SLC8A1: variants seen among roughly 807,000 people sequenced by gnomAD.
The protein encoded by SLC8A1 is sodium/calcium exchanger 1.
A neutral mutation model predicts 68.3 loss-of-function variants in SLC8A1; 18 were observed. The ratio of observed to expected loss-of-function variants is 0.26; its 90% CI spans 0.18 to 0.39. The LOEUF is 0.39. Ranked by LOEUF, SLC8A1 falls within the 10% of genes least tolerant of loss-of-function variation. The pLI is 1.00. For missense variants in SLC8A1, 985 were observed against 1,156.7 expected (o/e 0.85, Z 2.15); for synonymous variants, 475 against 415.5 (o/e 1.14, Z -1.74).
intron 2 of SLC8A1, among the ~76,000 whole-genome samples, chr2:40,314,459 G>A (rs1256625825): frequency 6.6e-6 from 1 of 151,410 alleles, no homozygotes; most frequent in African/African-American, 2.4e-5. Flanking sequence ...TTTTTTTCCA[G>A]TGGTATTTTA....
At chr2:40,385,666 T>G (rs1308437162) in intron 2 of SLC8A1, among the ~76,000 whole-genome samples, 2 of 151,398 alleles carry the variant, frequency 1.3e-5, no homozygotes, top group Non-Finnish European at 2.9e-5. Context: ...TATACCATCT[T>G]TCAAATGTCT....
intron 2 of SLC8A1, among the ~76,000 whole-genome samples, chr2:40,233,040 A>G (rs2059892110): frequency 6.6e-6 from 1 of 152,116 alleles, no homozygotes; most frequent in Non-Finnish European, 1.5e-5. Flanking sequence ...GCTATCGTGA[A>G]TAATGCTGCA....
In SLC8A1 at chr2:40,234,277, A is replaced by G. The variant is rs1185855610; in HGVS notation, c.1809-56422T>C. Among the ~76,000 whole-genome samples, 6 of 151,168 alleles carry G rather than the reference A, an allele frequency of 4.0e-5. 1 individual carries two copies. The highest frequency in any genetic ancestry group is 1.5e-4 in the African/African-American group (6 of 40,808). On this transcript the variant is annotated intron_variant, in intron 2 of 7. Transcript: ENST00000406785. Reference sequence around the variant, plus strand: ...GTTTGTTTCCTCTTTTATTTCCTTGAGCAGTGGTTTGTAGTTCTCCTTGAA... The same window carrying G: ...GTTTGTTTCCTCTTTTATTTCCTTGGGCAGTGGTTTGTAGTTCTCCTTGAA...
At position 40,502,543 on chromosome 2, in the gene SLC8A1, A is replaced by G. The variant is rs549560912; in HGVS notation, c.-25+9806T>C. ...ACTAGGTGACAAAAACTAAACATAT[A>G]CTTTATCTCATTGGTTCTTACAATA... On this transcript the variant is annotated intron_variant, in intron 1 of 7. Transcript: ENST00000402441. 6.6e-5 allele frequency among the ~76,000 whole-genome samples: 10 copies of G among 152,182 alleles called. No homozygotes were observed. The South Asian group carries it at 2.1e-3, about 31-fold the overall frequency.
intron 1 of SLC8A1, among the ~76,000 whole-genome samples, chr2:40,497,367 G>A (rs1705777501): frequency 6.6e-6 from 1 of 152,020 alleles, no homozygotes; most frequent in African/African-American, 2.4e-5. Flanking sequence ...ATCAAGATAA[G>A]TAAGATTGAT....
chr2:40,151,486 T>C (rs992646512), intron 6 of SLC8A1, among the ~76,000 whole-genome samples: 1 of 152,178 alleles, frequency 6.6e-6, no homozygotes, highest in African/African-American at 2.4e-5. Context: ...CAGGGCAGAT[T>C]TGCGGTTGTT....
intron 1 of SLC8A1, among the ~76,000 whole-genome samples, chr2:40,445,497 T>G (rs1202009123): frequency 6.6e-6 from 1 of 152,098 alleles, no homozygotes; most frequent in Non-Finnish European, 1.5e-5. Flanking sequence ...GATTTCAGAG[T>G]CATAGAACTG....
At chr2:40,381,960 G>A (rs1681955182) in intron 2 of SLC8A1, among the ~76,000 whole-genome samples, 1 of 151,906 alleles carries the variant, frequency 6.6e-6, no homozygotes, top group South Asian at 2.1e-4. Flanking sequence ...TCAGTCAGGA[G>A]GATGGATTTG....
At chr2:40,346,228 T>C (rs972898183) in intron 2 of SLC8A1, among the ~76,000 whole-genome samples, 4 of 152,022 alleles carry the variant, frequency 2.6e-5, no homozygotes, top group African/African-American at 4.8e-5. Context: ...TTGCACACAG[T>C]GAGAAGTTGA....
At chr2:40,178,204 C>T (rs935624400) in intron 2 of SLC8A1, among the ~76,000 whole-genome samples, 183 bp downstream of exon 3, 5 of 152,180 alleles carry the variant, frequency 3.3e-5, no homozygotes, top group African/African-American at 7.2e-5. Flanking sequence ...TAATGTGCAG[C>T]GCACCTAACG....
At chr2:40,249,598 C>G (rs1387735463) in intron 2 of SLC8A1, among the ~76,000 whole-genome samples, 2 of 151,944 alleles carry the variant, frequency 1.3e-5, no homozygotes, top group African/African-American at 4.8e-5. Flanking sequence ...CTAGATGATT[C>G]CTCTAAAAAT....
intron 2 of SLC8A1, among the ~76,000 whole-genome samples, chr2:40,195,260 G>A (rs1436335174): frequency 6.6e-6 from 1 of 152,096 alleles, no homozygotes; most frequent in Non-Finnish European, 1.5e-5. Flanking sequence ...GTGATATGCA[G>A]AAATTTGATA....
Position 40,388,954 on chromosome 2 carries a change from T to A in SLC8A1, c.1808+39519A>T, listed in dbSNP as rs572533002. ...ATCTAGGGAACAAAGGATAACATAA[T>A]GAAGCTAAAGTTTAGGAAACGTAAG... is the stretch of plus-strand genomic sequence containing the variant. On this transcript the variant is annotated intron_variant, in intron 2 of 7. Transcript: ENST00000406785. Among the ~76,000 whole-genome samples the A allele has an allele frequency of 2.5e-4, 38 of 152,258 alleles. 1 individual carries two copies. Among genetic ancestry groups the A allele is most frequent in the East Asian group, 2.1e-3 (11 of 5,156 alleles).
At chr2:40,280,655 A>G (rs2067377032) in intron 2 of SLC8A1, among the ~76,000 whole-genome samples, 1 of 152,216 alleles carries the variant, frequency 6.6e-6, no homozygotes, top group South Asian at 2.1e-4. Context: ...CTTACACTTC[A>G]GCAAAGAGGT....
intron 2 of SLC8A1, among the ~76,000 whole-genome samples, chr2:40,201,233 T>A (rs1440563491): frequency 6.6e-6 from 1 of 151,940 alleles, no homozygotes; most frequent in South Asian, 2.1e-4. Flanking sequence ...AGAAGTCTTA[T>A]GATTTTCTGT....
chr2:40,458,314 G>A (rs1348876750), intron 1 of SLC8A1, among the ~76,000 whole-genome samples: 1 of 152,106 alleles, frequency 6.6e-6, no homozygotes. Flanking sequence ...CCTGACATAA[G>A]CAGATTGGAG....
chr2:40,215,643 CAAAAAAAAAA>C (rs56191722), intron 2 of SLC8A1, among the ~76,000 whole-genome samples: 54 of 69,922 alleles, frequency 7.7e-4, no homozygotes, highest in African/African-American at 3.0e-3. Flanking sequence ...GACTCCGTCT[CAAAAAAAAAA>C]AAAAAAAAAA....
intron 2 of SLC8A1, among the ~76,000 whole-genome samples, chr2:40,253,214 CAT>C (rs2063258052): frequency 6.9e-6 from 1 of 145,900 alleles, no homozygotes; most frequent in Non-Finnish European, 1.5e-5. Flanking sequence ...CACATCTATA[CAT>C]ATTTACATAT....
intron 2 of SLC8A1, among the ~76,000 whole-genome samples, chr2:40,238,628 G>C (rs781649342): frequency 5.3e-4 from 80 of 152,206 alleles, no homozygotes; most frequent in Non-Finnish European, 5.6e-4. Flanking sequence ...TTGGCTCCTC[G>C]ATCGTCTTCT....
Sources: gnomAD v4.1 joint callset for allele counts (sites outside exome capture counted in the v4.1 genomes callset) on GRCh38, gnomAD v4.1.1 for gene constraint, MANE v1.5 for transcripts, NCBI Gene and HGNC (gene_info 2026-07-23, HGNC 2026-07-21) for gene names.